Variants in TCF12 observed in about 807,000 individuals in gnomAD.
The protein encoded by TCF12 is DNA-binding protein HTF4.
TCF12 carries 45 observed loss-of-function variants against 86.0 expected under a neutral mutation model. The ratio of observed to expected loss-of-function variants is 0.52; its 90% CI spans 0.41 to 0.67. The LOEUF (loss-of-function observed/expected upper bound fraction) is 0.67. Ranked by LOEUF, TCF12 falls within the 30% of genes least tolerant of loss-of-function variation. TCF12 has a pLI of 0.00. For synonymous variants in TCF12, 330 were observed against 299.6 expected (o/e 1.10, Z -1.05); for missense variants, 881 against 859.9 (o/e 1.02, Z -0.31).
chr15:57,168,659 T>A (rs1454187086), intron 6 of TCF12, among the ~76,000 whole-genome samples: 1 of 152,218 alleles, frequency 6.6e-6, no homozygotes, highest in African/African-American at 2.4e-5. Context: ...ATCTAATTTC[T>A]GATCTTGGCT....
chr15:57,163,218 C>T (rs2054617335), intron 5 of TCF12, among the ~76,000 whole-genome samples: 1 of 151,872 alleles, frequency 6.6e-6, no homozygotes, highest in Non-Finnish European at 1.5e-5. Flanking sequence ...ATTAAAAAAA[C>T]TCTACAGGTG....
intron 3 of TCF12, among the ~76,000 whole-genome samples, chr15:56,997,890 A>C (rs1170644691): frequency 6.6e-6 from 1 of 152,200 alleles, no homozygotes; most frequent in African/African-American, 2.4e-5. Context: ...TGCAAACACT[A>C]TTGGAAAGAA....
At chr15:57,249,971 G>T in intron 13 of TCF12, among the ~76,000 whole-genome samples, 1 of 151,746 alleles carries the variant, frequency 6.6e-6, no homozygotes, top group South Asian at 2.1e-4. Context: ...TCTAACATAT[G>T]GATGAATTAT....
chr15:56,963,027 C>CTTTTT (rs532973260), intron 3 of TCF12, among the ~76,000 whole-genome samples: 3 of 96,232 alleles, frequency 3.1e-5, no homozygotes, highest in African/African-American at 3.7e-5. Flanking sequence ...GTGTTAAGGT[C>CTTTTT]TTTTTTTTTT....
At chr15:57,139,593 A>G (rs1462005382) in intron 5 of TCF12, among the ~76,000 whole-genome samples, 1 of 152,014 alleles carries the variant, frequency 6.6e-6, no homozygotes, top group East Asian at 1.9e-4. Context: ...GAGATCTTCC[A>G]GGTTCCTAGC....
chr15:56,926,519 A>G (rs1479809325), intron 3 of TCF12, among the ~76,000 whole-genome samples: 1 of 152,186 alleles, frequency 6.6e-6, no homozygotes, highest in African/African-American at 2.4e-5. Flanking sequence ...TGATGGAGAT[A>G]TGGACAATGA....
At chr15:57,100,959 T>C (rs1053658954) in intron 5 of TCF12, among the ~76,000 whole-genome samples, 2 of 152,186 alleles carry the variant, frequency 1.3e-5, no homozygotes, top group South Asian at 4.1e-4. Flanking sequence ...TTTACTACAT[T>C]GCTGTAGTTG....
intron 3 of TCF12, among the ~76,000 whole-genome samples, chr15:57,022,656 A>G (rs546354400): frequency 2.6e-5 from 4 of 152,274 alleles, no homozygotes; most frequent in African/African-American, 7.2e-5. Context: ...GTCTTCCACA[A>G]TGGTTGAGCT....
intron 8 of TCF12, among the ~76,000 whole-genome samples, chr15:57,206,905 A>G (rs1465733426): frequency 1.3e-5 from 2 of 148,754 alleles, no homozygotes; most frequent in Non-Finnish European, 3.0e-5. Context: ...AGCCTAGGCA[A>G]CATAGCAAGA....
chr15:56,920,721 G>A (rs560412330), intron 2 of TCF12, among the ~76,000 whole-genome samples: 1 of 152,086 alleles, frequency 6.6e-6, no homozygotes, highest in African/African-American at 2.4e-5. Context: ...TAATGTAAAT[G>A]TAATGAAATT....
intron 3 of TCF12, 66 bp downstream of exon 3, chr15:56,921,164 G>C: frequency 2.4e-6 from 3 of 1,249,258 alleles, no homozygotes; most frequent in Non-Finnish European, 3.3e-6. Flanking sequence ...TAGAAAAATA[G>C]AAAGCATAAC....
chr15:57,242,655 G>A (rs879683257), intron 12 of TCF12, among the ~76,000 whole-genome samples: 1 of 152,148 alleles, frequency 6.6e-6, no homozygotes, highest in Non-Finnish European at 1.5e-5. Context: ...GTGACAGAGT[G>A]AGACTTCATC....
intron 3 of TCF12, among the ~76,000 whole-genome samples, chr15:57,010,228 C>G (rs933431210): frequency 1.3e-5 from 2 of 151,808 alleles, no homozygotes; most frequent in Non-Finnish European, 2.9e-5. Flanking sequence ...AATTTGGACT[C>G]AAGTCAAGAA....
chr15:57,098,347 A>G lies in TCF12; in HGVS notation c.325+6456A>G, dbSNP rs959923983. ...CATCTGCTGCCTTTTTCTACATTATAGCTCTGCTGTCTTGTTCTTTCTTTC... is the reference window on the plus strand; with the variant it reads ...CATCTGCTGCCTTTTTCTACATTATGGCTCTGCTGTCTTGTTCTTTCTTTC... On this transcript the variant is annotated intron_variant, in intron 5 of 20. Coordinates refer to ENST00000333725, the MANE Select transcript of TCF12 (RefSeq NM_207037.2). 1.8e-4 allele frequency among the ~76,000 whole-genome samples: 27 copies of G among 152,080 alleles called. 1 individual carries two copies. Among genetic ancestry groups the G allele is most frequent in the Non-Finnish European group, 2.9e-5 (2 of 68,022 alleles).
rs200756239 is a variant in TCF12 at position 57,077,740 on chromosome 15, GTT to G, written c.222+13922_222+13923del. Among the ~76,000 whole-genome samples, 27 of 98,756 alleles carry G rather than the reference GTT, an allele frequency of 2.7e-4. No individual in the cohort carries two copies. The South Asian group carries it at 3.8e-3, about 14-fold the overall frequency. The allele number at this position is 98,756 out of a possible 152,430, so 64.8% of individuals were successfully genotyped here. ...AGCTACCACACCTGGCGGATCTGTA[GTT>G]TTTTAAAAAAAAAAAAACGTTTGCA... On this transcript the variant is annotated intron_variant, in intron 4 of 20. Coordinates refer to ENST00000333725, the MANE Select transcript of TCF12 (RefSeq NM_207037.2).
chr15:57,088,843 A>G (rs2048812149), intron 4 of TCF12, among the ~76,000 whole-genome samples: 1 of 152,170 alleles, frequency 6.6e-6, no homozygotes, highest in Non-Finnish European at 1.5e-5. Flanking sequence ...GTATCGGTCA[A>G]CTAGATGATA....
chr15:57,054,769 TCTG>T (rs2067873639), intron 3 of TCF12, among the ~76,000 whole-genome samples: 1 of 135,194 alleles, frequency 7.4e-6, no homozygotes. Context: ...TTGCAATGCC[TCTG>T]CTTTTTTTTT....
At chr15:57,109,316 A>C (rs1441376976) in intron 5 of TCF12, 5 of 152,180 alleles carry the variant, frequency 3.3e-5, no homozygotes, top group African/African-American at 1.2e-4. Flanking sequence ...GCTATTGTAA[A>C]GGTACTGAGA....
At chr15:57,262,372 C>T (rs551439147) in intron 17 of TCF12, among the ~76,000 whole-genome samples, 164 bp downstream of exon 17, 23 of 152,222 alleles carry the variant, frequency 1.5e-4, no homozygotes, top group African/African-American at 5.5e-4. Flanking sequence ...ACTGGCCCAC[C>T]TAGGTTGACA....
Sources: allele counts gnomAD v4.1 joint callset (sites outside exome capture counted in the v4.1 genomes callset), GRCh38; gene constraint gnomAD v4.1.1; transcripts MANE v1.5; gene names NCBI Gene and HGNC (gene_info 2026-07-23, HGNC 2026-07-21).